LPA: variants seen among roughly 807,000 people sequenced by gnomAD.
The protein encoded by LPA is lipoprotein(a).
Under a neutral mutation model 197.9 loss-of-function variants are expected in LPA, and 199 were observed. The observed-to-expected ratio is 1.01, with a 90% CI of 0.90 to 1.13. The LOEUF is 1.13. LPA is among the 50% of genes most tolerant of loss of function. LPA has a pLI of 0.00. For synonymous variants in LPA, 715 were observed against 639.5 expected (o/e 1.12, Z -1.78); for missense variants, 1,853 against 1,785.8 (o/e 1.04, Z -0.68).
intron 24 of LPA, 35 bp from the exon 25 acceptor site, chr6:160,586,665 T>C (rs371586087): frequency 3.0e-5 from 49 of 1,612,906 alleles, no homozygotes; most frequent in East Asian, 4.5e-5. Context: ...TCACCAGAGA[T>C]TGGAGAAGAT....
chr6:160,551,236 C>T (rs1213068084), intron 30 of LPA, among the ~76,000 whole-genome samples: 17 of 152,252 alleles, frequency 1.1e-4, no homozygotes, highest in Admixed American at 1.1e-3. Flanking sequence ...ATATCCATGT[C>T]CATTGGGTGT....
rs1316292242 is a variant in LPA, at chr6:160,650,409, T to A, written c.138A>T (p.Gly46=). 6.2e-7 allele frequency: 1 copy of A among 1,613,952 alleles called. No individual in the cohort carries two copies. The highest frequency in any genetic ancestry group is 1.7e-5 in the Admixed American group (1 of 60,014). The change falls in exon 2 of 39, where the codon GGA becomes GGT. Residue 46 remains glycine, a synonymous_variant. Coordinates refer to ENST00000316300, the MANE Select transcript of LPA (RefSeq NM_005577.4). Reference sequence around the variant, plus strand: ...TAGATGACCAAGCTTGGCAGGTCCTTCCTGTGACAGTGGTGGAGTACGTGC... The same window carrying A: ...TAGATGACCAAGCTTGGCAGGTCCTACCTGTGACAGTGGTGGAGTACGTGC... ...YRGTYSTTVT[G]RTCQAWSSMT...
At chr6:160,603,975 G>C (rs575864812) in intron 18 of LPA, among the ~76,000 whole-genome samples, 7 of 152,286 alleles carry the variant, frequency 4.6e-5, no homozygotes, top group African/African-American at 1.4e-4. Flanking sequence ...TGAGGGCTCT[G>C]TCCTCTTTAT....
chr6:160,610,813 T>C (rs1207111925), intron 16 of LPA, among the ~76,000 whole-genome samples: 7 of 152,154 alleles, frequency 4.6e-5, no homozygotes, highest in African/African-American at 7.2e-5. Flanking sequence ...AAGGCATCTA[T>C]GGAGTTGAGC....
chr6:160,606,466 A>C lies in LPA; in HGVS notation c.2785+11T>G. 6.2e-7 allele frequency: 1 copy of C among 1,613,240 alleles called. No homozygotes were observed. On this transcript the variant is annotated intron_variant, in intron 17 of 38. Coordinates refer to ENST00000316300, the MANE Select transcript of LPA (RefSeq NM_005577.4). The stretch of plus-strand genomic sequence containing the variant: ...TCGAAACGTGTAGGTTTCTGGCCAC[A>C]GGCTCCTTACCTTGTTCAGAAGGAG...
intron 34 of LPA, 133 bp from the exon 35 acceptor site, chr6:160,541,314 A>G: frequency 1.4e-6 from 1 of 725,472 alleles, no homozygotes; most frequent in Non-Finnish European, 2.5e-6. Flanking sequence ...CTACCGCCCA[A>G]CGTCAGGATA....
At chr6:160,566,784 G>A (rs1216222721) in intron 28 of LPA, among the ~76,000 whole-genome samples, 4 of 152,158 alleles carry the variant, frequency 2.6e-5, no homozygotes, top group East Asian at 1.9e-4. Flanking sequence ...TCAAAATAAA[G>A]GGATGGAGGA....
intron 2 of LPA, among the ~76,000 whole-genome samples, chr6:160,648,540 T>G (rs1196154001): frequency 1.3e-5 from 2 of 152,130 alleles, no homozygotes; most frequent in Non-Finnish European, 2.9e-5. Flanking sequence ...TTGATTTCAT[T>G]TTTCAGCATT....
intron 30 of LPA, 69 bp downstream of exon 30, chr6:160,555,956 A>G (rs1778255542): frequency 8.3e-7 from 1 of 1,208,926 alleles, no homozygotes; most frequent in Admixed American, 1.7e-5. Flanking sequence ...AGTTAGCTTG[A>G]AGCAAGGCTC....
chr6:160,575,919 A>C (rs1356083098), intron 28 of LPA, among the ~76,000 whole-genome samples: 3 of 152,088 alleles, frequency 2.0e-5, no homozygotes, highest in Non-Finnish European at 4.4e-5. Context: ...AGTGTAGAAA[A>C]TCCCAGCTGC....
At chr6:160,556,902 G>A (rs1778274105) in intron 29 of LPA, among the ~76,000 whole-genome samples, 1 of 152,126 alleles carries the variant, frequency 6.6e-6, no homozygotes, top group Non-Finnish European at 1.5e-5. Flanking sequence ...AAATAAGCCA[G>A]AGAAATAGTG....
intron 28 of LPA, among the ~76,000 whole-genome samples, chr6:160,565,899 T>G (rs1317393973): frequency 2.0e-5 from 3 of 152,122 alleles, no homozygotes; most frequent in South Asian, 4.1e-4. Context: ...TTTCAGTAGT[T>G]GATTCAATCA....
intron 1 of LPA, among the ~76,000 whole-genome samples, chr6:160,661,479 C>T (rs1394453277): frequency 6.6e-6 from 1 of 152,160 alleles, no homozygotes; most frequent in Non-Finnish European, 1.5e-5. Flanking sequence ...TTCTCATTCT[C>T]AGAAAGGCCT....
intron 17 of LPA, 43 bp downstream of exon 17, chr6:160,606,434 C>A: frequency 1.9e-6 from 3 of 1,606,742 alleles, no homozygotes; most frequent in Non-Finnish European, 2.6e-6. Flanking sequence ...GGCTTTTCAT[C>A]CCAGCATCGA....
intron 20 of LPA, among the ~76,000 whole-genome samples, chr6:160,597,463 T>C (rs936474300): frequency 3.3e-5 from 5 of 152,230 alleles, no homozygotes; most frequent in African/African-American, 1.2e-4. Context: ...CCTGTGTGGG[T>C]GTGGGTGTGT....
At chr6:160,539,350 C>T (rs1777942039) in intron 36 of LPA, among the ~76,000 whole-genome samples, 1 of 151,876 alleles carries the variant, frequency 6.6e-6, no homozygotes, top group Non-Finnish European at 1.5e-5. Flanking sequence ...ATCACTTTGT[C>T]AGGCTTAATA....
At chr6:160,572,860 G>A (rs1236519159) in intron 28 of LPA, among the ~76,000 whole-genome samples, 1 of 152,074 alleles carries the variant, frequency 6.6e-6, no homozygotes, top group Admixed American at 6.5e-5. Context: ...TCTTAACTTT[G>A]CATAACCTGA....
At position 160,531,624 on chromosome 6, in the gene LPA, AAC is replaced by A; in HGVS notation, c.*103_*104del. 1 of 1,479,524 alleles carries A rather than the reference AAC, an allele frequency of 6.8e-7. No homozygotes were observed. Among genetic ancestry groups the A allele is most frequent in the Non-Finnish European group, 9.4e-7 (1 of 1,060,678 alleles). The allele number at this position is 1,479,524 out of a possible 1,614,324, so 91.6% of individuals were successfully genotyped here. A position where few individuals can be genotyped will look rare whatever the true frequency, so the allele number is the denominator to read the frequency against. ...AGGTTTGGCATAGCTGGTAGCTGGGAACAGTGTCTTCGTTTGATTGCTGTCTA... is the reference window on the plus strand; with the variant it reads ...AGGTTTGGCATAGCTGGTAGCTGGGAAGTGTCTTCGTTTGATTGCTGTCTA... On this transcript the variant is annotated 3_prime_UTR_variant, in exon 39 of 39. Coordinates refer to ENST00000316300, the MANE Select transcript of LPA (RefSeq NM_005577.4).
chr6:160,598,560 G>T (rs41271014), intron 20 of LPA, among the ~76,000 whole-genome samples: 9 of 152,160 alleles, frequency 5.9e-5, no homozygotes, highest in Admixed American at 1.3e-4. Context: ...CCGTTTTGCC[G>T]TGTCTTTGGT....
Sources: allele counts gnomAD v4.1 joint callset (sites outside exome capture counted in the v4.1 genomes callset), GRCh38; gene constraint gnomAD v4.1.1; transcripts MANE v1.5; gene names NCBI Gene and HGNC (gene_info 2026-07-23, HGNC 2026-07-21).